The following NAV2 variants were observed in gnomAD, a reference collection of about 807,000 sequenced individuals.
The protein encoded by NAV2 is neuron navigator 2, also known as helicase, APC down-regulated 1.
A neutral mutation model predicts 223.2 loss-of-function variants in NAV2; 54 were observed. The observed-to-expected ratio is 0.24, with a 90% CI of 0.19 to 0.30. The LOEUF (loss-of-function observed/expected upper bound fraction) is 0.30. NAV2 is among the 10% of genes least tolerant of loss of function. The probability of loss-of-function intolerance (pLI) is 1.00; values close to 1 mark genes in which losing one functional copy is unlikely to be tolerated. For missense variants in NAV2, 2,806 were observed against 3,147.5 expected (o/e 0.89, Z 2.60); for synonymous variants, 1,279 against 1,239.3 (o/e 1.03, Z -0.67).
intron 8 of NAV2, among the ~76,000 whole-genome samples, chr11:19,944,781 C>G (rs2046736959): frequency 7.2e-6 from 1 of 139,118 alleles, no homozygotes; most frequent in African/African-American, 2.7e-5. Flanking sequence ...TCTTTTCTTT[C>G]TTGGCTGGCT....
chr11:19,490,909 G>A (rs1281618139), intron 1 of NAV2, among the ~76,000 whole-genome samples: 1 of 152,146 alleles, frequency 6.6e-6, no homozygotes, highest in Non-Finnish European at 1.5e-5. Context: ...TGATCCCTGG[G>A]TAGCAGAATG....
intron 5 of NAV2, among the ~76,000 whole-genome samples, chr11:19,882,444 T>A (rs894201537): frequency 2.2e-4 from 33 of 152,196 alleles, no homozygotes; most frequent in African/African-American, 7.5e-4. Flanking sequence ...GTATGCATTA[T>A]GAATGTTCAG....
At chr11:20,036,152 C>T (rs2056347442) in intron 12 of NAV2, 55 bp downstream of exon 12, 2 of 1,610,066 alleles carry the variant, frequency 1.2e-6, no homozygotes, top group Non-Finnish European at 1.7e-6. Context: ...AGCAGGGAAC[C>T]TTGGGCTTGT....
intron 20 of NAV2, among the ~76,000 whole-genome samples, chr11:20,066,941 C>A (rs116176295): frequency 0.014 from 2,152 of 152,182 alleles, 48 homozygotes; most frequent in African/African-American, 0.049. Context: ...CTTTATGAGC[C>A]CCTGTGGGAA....
intron 8 of NAV2, among the ~76,000 whole-genome samples, chr11:19,941,783 G>A (rs997623202): frequency 1.3e-5 from 2 of 152,126 alleles, no homozygotes; most frequent in African/African-American, 2.4e-5. Flanking sequence ...TCATAAGGCA[G>A]CCCTTTACTT....
chr11:19,451,342 G>A (rs561868458), intron 1 of NAV2, among the ~76,000 whole-genome samples: 13 of 152,258 alleles, frequency 8.5e-5, no homozygotes, highest in Admixed American at 8.5e-4. Context: ...GCAGCACAGA[G>A]TTCGTCACAT....
At chr11:19,512,955 G>A (rs1471762771) in intron 1 of NAV2, among the ~76,000 whole-genome samples, 1 of 152,194 alleles carries the variant, frequency 6.6e-6, no homozygotes, top group Non-Finnish European at 1.5e-5. Flanking sequence ...AGATATGTGA[G>A]AACTTTGCTT....
Position 19,558,701 on chromosome 11 carries a change from A to G in NAV2, c.75+207674A>G, listed in dbSNP as rs543998787. 4.6e-5 allele frequency among the ~76,000 whole-genome samples: 7 copies of G among 152,284 alleles called. No homozygotes were observed. The South Asian group carries it at 1.5e-3, about 32-fold the overall frequency. On this transcript the variant is annotated intron_variant, in intron 1 of 37. Transcript: ENST00000360655. ...GAATGACCTGAACCTGGCAACATTC[A>G]CTTAACCCAAAACCTGGGGCTTCAA...
intron 5 of NAV2, among the ~76,000 whole-genome samples, chr11:19,884,069 A>G (rs1170014222): frequency 1.3e-5 from 2 of 152,272 alleles, no homozygotes; most frequent in Non-Finnish European, 2.9e-5. Context: ...ATACATACAC[A>G]CAAGCATTCT....
At chr11:20,056,676 G>A in intron 19 of NAV2, 1 of 1,232,614 alleles carries the variant, frequency 8.1e-7, no homozygotes, top group Non-Finnish European at 1.2e-6. Context: ...CCCACCCCAT[G>A]AAGATGGGGC....
intron 1 of NAV2, among the ~76,000 whole-genome samples, chr11:19,472,844 G>C (rs1481788762): frequency 6.6e-6 from 1 of 152,204 alleles, no homozygotes; most frequent in Non-Finnish European, 1.5e-5. Context: ...AGCCAAGCCT[G>C]GTGCTGTCTA....
intron 1 of NAV2, among the ~76,000 whole-genome samples, chr11:19,780,331 T>C (rs1265123342): frequency 6.6e-6 from 1 of 152,212 alleles, no homozygotes; most frequent in Non-Finnish European, 1.5e-5. Flanking sequence ...CAGAGCATAC[T>C]GTGGGTGGTT....
chr11:19,811,785 T>C (rs1016738507), intron 1 of NAV2, among the ~76,000 whole-genome samples: 1 of 152,234 alleles, frequency 6.6e-6, no homozygotes, highest in Non-Finnish European at 1.5e-5. Flanking sequence ...TTTATCTTTT[T>C]GTGATTTTTA....
At chr11:19,750,681 A>T (rs796961085) in intron 1 of NAV2, among the ~76,000 whole-genome samples, 12 of 152,322 alleles carry the variant, frequency 7.9e-5, no homozygotes, top group African/African-American at 2.9e-4. Context: ...AGATAGAGTA[A>T]CTGAAGACCA....
chr11:19,506,643 G>C (rs1474844552), intron 1 of NAV2: 1 of 123,336 alleles, frequency 8.1e-6, no homozygotes, highest in Non-Finnish European at 1.9e-5. Flanking sequence ...CTCAGTTCTG[G>C]TGGCATTAGC....
chr11:19,776,611 T>G (rs1284618684), intron 1 of NAV2, among the ~76,000 whole-genome samples: 14 of 96,238 alleles, frequency 1.5e-4, no homozygotes, highest in African/African-American at 3.5e-4. Flanking sequence ...TGTGTGTGGT[T>G]AGAGTTGTGG....
chr11:19,872,438 C>G (rs1201925767), intron 4 of NAV2, among the ~76,000 whole-genome samples: 1 of 152,244 alleles, frequency 6.6e-6, no homozygotes, highest in Non-Finnish European at 1.5e-5. Context: ...ATTCAAAGGC[C>G]TGGTGTGTGC....
chr11:20,062,948 C>T (rs2058801242), intron 20 of NAV2, among the ~76,000 whole-genome samples: 1 of 152,224 alleles, frequency 6.6e-6, no homozygotes, highest in Admixed American at 6.5e-5. Context: ...CCACCTCGGC[C>T]TCCCAAAGTG....
In NAV2 at chr11:20,045,306, C is replaced by G; in HGVS notation, c.3538C>G (p.Leu1180Val). 1 of 1,614,204 alleles carries G rather than the reference C, an allele frequency of 6.2e-7. No homozygotes were observed. The highest frequency in any genetic ancestry group is 8.5e-7 in the Non-Finnish European group (1 of 1,180,030). The part of the protein sequence containing the change: ...DGAQNQDDGY[L>V]ALSSRTNLQY... ...GGCTCAGAATCAGGATGACGGGTATCTAGCCCTAAGCTCCCGGACAAACCT... is the reference window on the plus strand; with the variant it reads ...GGCTCAGAATCAGGATGACGGGTATGTAGCCCTAAGCTCCCGGACAAACCT... Residue 1180 changes from leucine to valine, a missense_variant, in exon 14 of 38, where the codon CTA (leucine) becomes GTA (valine). Coordinates refer to ENST00000349880, the MANE Select transcript of NAV2 (RefSeq NM_145117.5).
Sources: allele counts gnomAD v4.1 joint callset (sites outside exome capture counted in the v4.1 genomes callset), GRCh38; gene constraint gnomAD v4.1.1; transcripts MANE v1.5; gene names NCBI Gene and HGNC (gene_info 2026-07-23, HGNC 2026-07-21).